TBC1D12: variants seen among roughly 807,000 people sequenced by gnomAD.
TBC1D12 encodes TBC1 domain family member 12, also known as TBC1 domain family, member 12.
TBC1D12 carries 56 observed loss-of-function variants against 86.7 expected under a neutral mutation model. That is an observed-to-expected ratio of 0.65 (90% CI 0.52 to 0.81). The LOEUF is 0.81. TBC1D12 is among the 30% of genes least tolerant of loss of function. TBC1D12 has a pLI of 0.00. For missense variants in TBC1D12, 1,023 were observed against 1,038.8 expected (o/e 0.98, Z 0.21); for synonymous variants, 421 against 411.7 (o/e 1.02, Z -0.27).
At chr10:94,418,769 C>T (rs537838196) in intron 1 of TBC1D12, among the ~76,000 whole-genome samples, 4 of 151,708 alleles carry the variant, frequency 2.6e-5, no homozygotes, top group South Asian at 2.1e-4. Flanking sequence ...GGTGAGGTTT[C>T]GCCATGTTGG....
At chr10:94,472,785 G>A (rs2055927994) in intron 2 of TBC1D12, among the ~76,000 whole-genome samples, 2 of 152,030 alleles carry the variant, frequency 1.3e-5, no homozygotes, top group African/African-American at 2.4e-5. Context: ...GATTATGAAC[G>A]GCTGTATGGT....
At chr10:94,405,336 T>C (rs1203478529) in intron 1 of TBC1D12, among the ~76,000 whole-genome samples, 1 of 152,194 alleles carries the variant, frequency 6.6e-6, no homozygotes, top group African/African-American at 2.4e-5. Context: ...TTGATATTTC[T>C]TATTCCTCTT....
At chr10:94,477,562 CT>C (rs1392500469) in intron 3 of TBC1D12, among the ~76,000 whole-genome samples, 1 of 152,184 alleles carries the variant, frequency 6.6e-6, no homozygotes, top group African/African-American at 2.4e-5. Flanking sequence ...TCAGAATACT[CT>C]TCTAGCAGAC....
chr10:94,434,209 A>G (rs1277373977), intron 1 of TBC1D12, among the ~76,000 whole-genome samples: 1 of 152,200 alleles, frequency 6.6e-6, no homozygotes, highest in Non-Finnish European at 1.5e-5. Flanking sequence ...GCTATGGATT[A>G]AAAATATGAA....
rs1391050724 is a variant in TBC1D12, at chr10:94,531,240, T to C, written c.2039T>C (p.Leu680Pro). Residue 680 changes from leucine to proline, a missense_variant, in exon 12 of 13, where the codon CTG (leucine) becomes CCG (proline). By Grantham distance (98) the Leu-to-Pro change is moderately conservative (BLOSUM62 -3). This residue lies in a region of TBC1D12 where 395 missense variants were observed against 507.7 expected (regional missense o/e 0.78). Transcript: ENST00000225235. ...TLYSKSLPLD[L>P]ACRVWDVFCR... ...TATAGCAAATCACTACCACTTGATC[T>C]GGCCTGTCGAGTCTGGGATGTATTT... The C allele has an allele frequency of 3.1e-6, 5 of 1,613,966 alleles. No homozygotes were observed. Among genetic ancestry groups the C allele is most frequent in the Non-Finnish European group, 4.2e-6 (5 of 1,179,906 alleles).
intron 1 of TBC1D12, among the ~76,000 whole-genome samples, chr10:94,411,409 A>T (rs754721146): frequency 1.3e-5 from 2 of 152,166 alleles, no homozygotes; most frequent in Non-Finnish European, 2.9e-5. Flanking sequence ...AGTTGTTTGT[A>T]GCTTTTGGTA....
intron 11 of TBC1D12, among the ~76,000 whole-genome samples, chr10:94,527,137 G>T (rs1842312648): frequency 6.7e-6 from 1 of 148,714 alleles, no homozygotes; most frequent in Non-Finnish European, 1.5e-5. Context: ...CTGTTGCCCA[G>T]GCTGGAGTGC....
intron 1 of TBC1D12, among the ~76,000 whole-genome samples, chr10:94,418,552 G>C (rs575424815): frequency 1.3e-5 from 2 of 148,900 alleles, no homozygotes; most frequent in East Asian, 4.0e-4. Flanking sequence ...TTTATACTTT[G>C]GTCTATTATT....
chr10:94,457,060 C>T (rs1488488177), intron 2 of TBC1D12, among the ~76,000 whole-genome samples: 1 of 152,176 alleles, frequency 6.6e-6, no homozygotes, highest in Admixed American at 6.5e-5. Flanking sequence ...TGCCTTTATA[C>T]TTAAAGTGGG....
chr10:94,478,935 A>T (rs968853594), intron 3 of TBC1D12, among the ~76,000 whole-genome samples: 32 of 152,112 alleles, frequency 2.1e-4, no homozygotes, highest in Admixed American at 1.8e-3. Context: ...CAGTCTGGTG[A>T]CAAAGCGAGA....
rs1296030182 is a variant in TBC1D12 at position 94,461,465 on chromosome 10, A to C, written c.1096-13203A>C. On this transcript the variant is annotated intron_variant, in intron 2 of 12. Transcript: ENST00000225235. ...AACAGAATGTAAAGGACTATTTCAA[A>C]ATAATTACTTTTCCTCTCCTGCTGA... Among the ~76,000 whole-genome samples, 3 of 152,272 alleles carry C rather than the reference A, an allele frequency of 2.0e-5. No homozygotes were observed. In the East Asian group the frequency reaches 5.8e-4, roughly 29 times the overall value.
chr10:94,432,701 A>G (rs1247037350), intron 1 of TBC1D12, among the ~76,000 whole-genome samples: 3 of 152,008 alleles, frequency 2.0e-5, no homozygotes, highest in African/African-American at 7.2e-5. Context: ...TGATTTAACA[A>G]GAATTTAAAC....
At chr10:94,465,793 C>CGCAT (rs2055806837) in intron 2 of TBC1D12, among the ~76,000 whole-genome samples, 1 of 136,124 alleles carries the variant, frequency 7.3e-6, no homozygotes, top group Non-Finnish European at 1.6e-5. Context: ...CATACATATA[C>CGCAT]GCATACATAC....
intron 3 of TBC1D12, among the ~76,000 whole-genome samples, chr10:94,481,971 T>A (rs1237584062): frequency 6.6e-6 from 1 of 152,212 alleles, no homozygotes; most frequent in Non-Finnish European, 1.5e-5. Flanking sequence ...TTATAATCTT[T>A]TAGTTATTTT....
chr10:94,409,265 A>C (rs963457882), intron 1 of TBC1D12, among the ~76,000 whole-genome samples: 5 of 152,186 alleles, frequency 3.3e-5, no homozygotes, highest in Non-Finnish European at 5.9e-5. Context: ...TAGAGATGTG[A>C]TAACCTGAAT....
chr10:94,413,379 A>G (rs563439619), intron 1 of TBC1D12, among the ~76,000 whole-genome samples: 1 of 152,236 alleles, frequency 6.6e-6, no homozygotes, highest in South Asian at 2.1e-4. Flanking sequence ...AGGTCTACTC[A>G]GTTTGTTGGC....
At chr10:94,407,081 T>G (rs980208111) in intron 1 of TBC1D12, among the ~76,000 whole-genome samples, 1 of 152,214 alleles carries the variant, frequency 6.6e-6, no homozygotes, top group African/African-American at 2.4e-5. Flanking sequence ...TATGTTTACT[T>G]AAGTAAAGAG....
intron 6 of TBC1D12, 85 bp from the exon 7 acceptor site, chr10:94,507,182 T>TAATA: frequency 1.5e-6 from 2 of 1,343,084 alleles, no homozygotes; most frequent in Non-Finnish European, 2.1e-6. Context: ...ACCTGACCTG[T>TAATA]AATAGGTAAA....
At position 94,450,620 on chromosome 10, in the gene TBC1D12, T is replaced by C. The variant is rs186257273; in HGVS notation, c.1095+8601T>C. 1.7e-3 allele frequency among the ~76,000 whole-genome samples: 259 copies of C among 152,140 alleles called. 6 individuals are homozygous for C. Among genetic ancestry groups the C allele is most frequent in the Admixed American group, 0.016 (251 of 15,274 alleles). ...ATAATTCTGGAGGGATTATAGGAGC[T>C]GAATTAGAAAACAGTAACGATCGAG... is the stretch of plus-strand genomic sequence containing the variant. On this transcript the variant is annotated intron_variant, in intron 2 of 12. Coordinates refer to ENST00000225235, the MANE Select transcript of TBC1D12 (RefSeq NM_015188.2).
Sources: allele counts gnomAD v4.1 joint callset (sites outside exome capture counted in the v4.1 genomes callset), GRCh38; gene constraint gnomAD v4.1.1; regional missense constraint gnomAD v4.1.1; transcripts MANE v1.5; gene names NCBI Gene and HGNC (gene_info 2026-07-23, HGNC 2026-07-21).